SCYL3: variants seen among roughly 807,000 people sequenced by gnomAD.
SCYL3 encodes the protein protein-associating with the carboxyl-terminal domain of ezrin.
SCYL3 carries 35 observed loss-of-function variants against 73.8 expected under a neutral mutation model. The observed-to-expected ratio is 0.47, with a 90% CI of 0.36 to 0.63. The LOEUF (loss-of-function observed/expected upper bound fraction) is 0.63. SCYL3 is among the 20% of genes least tolerant of loss of function. The pLI is 0.00. For missense variants in SCYL3, 712 were observed against 798.9 expected (o/e 0.89, Z 1.31); for synonymous variants, 277 against 295.2 (o/e 0.94, Z 0.63).
rs2102126054 is a variant in SCYL3 at position 169,854,570 on chromosome 1, A to G, written c.1707T>C (p.Ile569=). The G allele has an allele frequency of 1.2e-6, 2 of 1,613,862 alleles. No homozygotes were observed. The highest frequency in any genetic ancestry group is 1.1e-5 in the South Asian group (1 of 91,040). The part of the protein sequence containing the change: ...MPWKSSLPQK[I]SLVQRGDDAD... ...CGTCATCCCCCCTTTGTACAAGGCT[A>G]ATCTTTTGGGGTAAGCTTGATTTCC... Residue 569 remains isoleucine, a synonymous_variant, in exon 12 of 13, where the codon ATT becomes ATC. Transcript: ENST00000367771.
At chr1:169,871,483 A>G (rs1165360744) in intron 5 of SCYL3, among the ~76,000 whole-genome samples, 1 of 152,220 alleles carries the variant, frequency 6.6e-6, no homozygotes, top group Non-Finnish European at 1.5e-5. Flanking sequence ...AGTCTTGGGT[A>G]TGTCTTCATC....
rs573415885 is a variant in SCYL3, at chr1:169,868,584, T to C, written c.737+344A>G. On this transcript the variant is annotated intron_variant, in intron 7 of 12. Coordinates refer to ENST00000367771, the MANE Select transcript of SCYL3 (RefSeq NM_020423.7). ...TATAATGGCAGCAGAAAAGAAAGGCTAGGTTTAGTAACTTTTTCAATTAAC... is the reference window on the plus strand; with the variant it reads ...TATAATGGCAGCAGAAAAGAAAGGCCAGGTTTAGTAACTTTTTCAATTAAC... 2.6e-5 allele frequency among the ~76,000 whole-genome samples: 4 copies of C among 152,334 alleles called. No individual in the cohort carries two copies. In the South Asian group the frequency reaches 8.3e-4, roughly 32 times the overall value.
At chr1:169,866,325 CTTAAAT>C (rs1424574243) in intron 8 of SCYL3, among the ~76,000 whole-genome samples, 1 of 152,234 alleles carries the variant, frequency 6.6e-6, no homozygotes, top group Non-Finnish European at 1.5e-5. Flanking sequence ...CAATCCAAAT[CTTAAAT>C]GAGTTAAGCC....
At position 169,871,563 on chromosome 1, in the gene SCYL3, G is replaced by A. The variant is rs561248183; in HGVS notation, c.523-1206C>T. ...GTGGGGCGTTGCTGAAAAGATACCT[G>A]AAAATATGGAAGGGACTTTGGAACT... On this transcript the variant is annotated intron_variant, in intron 5 of 12. Coordinates refer to ENST00000367771, the MANE Select transcript of SCYL3 (RefSeq NM_020423.7). 9.5e-4 allele frequency among the ~76,000 whole-genome samples: 145 copies of A among 152,308 alleles called. 2 individuals are homozygous for A. Among genetic ancestry groups the A allele is most frequent in the South Asian group, 6.6e-3 (32 of 4,820 alleles).
intron 11 of SCYL3, among the ~76,000 whole-genome samples, chr1:169,856,539 G>A (rs1659178155): frequency 6.6e-6 from 1 of 152,104 alleles, no homozygotes; most frequent in Non-Finnish European, 1.5e-5. Context: ...ATAGCCTGGG[G>A]TAAACTCTTA....
At chr1:169,854,164 G>GACTTT (rs1438880812) in intron 12 of SCYL3, 106 bp downstream of exon 12, 2 of 896,836 alleles carry the variant, frequency 2.2e-6, no homozygotes, top group Non-Finnish European at 3.3e-6. Flanking sequence ...TGCTTGACTT[G>GACTTT]ACTAGGAAAA....
At chr1:169,877,165 A>G (rs1175463411) in intron 3 of SCYL3, among the ~76,000 whole-genome samples, 1 of 152,058 alleles carries the variant, frequency 6.6e-6, no homozygotes, top group Non-Finnish European at 1.5e-5. Flanking sequence ...GTATGTATGT[A>G]ATGTATGTAT....
At chr1:169,892,110 T>C (rs1449180125) in intron 1 of SCYL3, among the ~76,000 whole-genome samples, 1 of 152,210 alleles carries the variant, frequency 6.6e-6, no homozygotes, top group Admixed American at 6.5e-5. Flanking sequence ...TAAGATTATA[T>C]TGTATGTTCC....
intron 1 of SCYL3, among the ~76,000 whole-genome samples, chr1:169,891,688 A>G (rs1004046529): frequency 6.6e-6 from 1 of 152,232 alleles, no homozygotes; most frequent in African/African-American, 2.4e-5. Flanking sequence ...CTGTTTATTT[A>G]AGTGTTAATA....
intron 2 of SCYL3, among the ~76,000 whole-genome samples, chr1:169,880,946 G>A (rs920662078): frequency 6.6e-6 from 1 of 152,088 alleles, no homozygotes; most frequent in African/African-American, 2.4e-5. Context: ...ATTTTTAGTA[G>A]AGACAGGGTT....
chr1:169,879,254 A>G (rs1661075568), intron 2 of SCYL3, among the ~76,000 whole-genome samples: 1 of 152,214 alleles, frequency 6.6e-6, no homozygotes, highest in African/African-American at 2.4e-5. Flanking sequence ...ATGCATGGTG[A>G]CAGGCCCCAG....
At chr1:169,877,151 T>C (rs1411134085) in intron 3 of SCYL3, among the ~76,000 whole-genome samples, 1 of 152,058 alleles carries the variant, frequency 6.6e-6, no homozygotes, top group Non-Finnish European at 1.5e-5. Flanking sequence ...TTTAAAGTTA[T>C]TATGTATGTA....
At chr1:169,861,285 C>T (rs1659628125) in intron 10 of SCYL3, among the ~76,000 whole-genome samples, 1 of 152,150 alleles carries the variant, frequency 6.6e-6, no homozygotes, top group African/African-American at 2.4e-5. Context: ...ACTGTCAGTT[C>T]ACAACCTACA....
chr1:169,875,906 G>C, intron 4 of SCYL3, 72 bp downstream of exon 4: 1 of 871,708 alleles, frequency 1.1e-6, no homozygotes, highest in Non-Finnish European at 1.7e-6. Context: ...GAAGGAAAGT[G>C]CCTAGGCAAG....
At position 169,876,071 on chromosome 1, in the gene SCYL3, A is replaced by T; in HGVS notation, c.372T>A (p.Asn124Lys). 1 of 1,604,108 alleles carries T rather than the reference A, an allele frequency of 6.2e-7. No homozygotes were observed. ...TCACAAACACAGATGATAAACAGAC[A>T]TTATTGTGTGTTAGGTGTCCCTGGA... is the stretch of plus-strand genomic sequence containing the variant. ...LHDRGHLTHN[N>K]VCLSSVFVSE... The change falls in exon 4 of 13, where the codon AAT (asparagine) becomes AAA (lysine). Residue 124 changes from asparagine to lysine, a missense_variant. By Grantham distance (94) the Asn-to-Lys change is moderately conservative. Transcript: ENST00000367771.
In SCYL3 at chr1:169,878,732, C is replaced by T; in HGVS notation, c.253G>A (p.Val85Ile). Residue 85 changes from valine (V) to isoleucine (I), a missense_variant, in exon 3 of 13, where the codon GTA becomes ATA. Physicochemically the swap from Val to Ile is conservative, Grantham distance 29. Transcript: ENST00000367771. ...ADGIHLVTER[V>I]QPLEVALETL... ...TCCAAAGCCACTTCCAGGGGCTGTACTCGCTCAGTGACAAGATGAATGCCA... is the reference window on the plus strand; with the variant it reads ...TCCAAAGCCACTTCCAGGGGCTGTATTCGCTCAGTGACAAGATGAATGCCA... 1 of 1,614,158 alleles carries T rather than the reference C, an allele frequency of 6.2e-7. No homozygotes were observed.
chr1:169,858,766 T>C (rs1159115752), intron 11 of SCYL3, among the ~76,000 whole-genome samples: 1 of 152,078 alleles, frequency 6.6e-6, no homozygotes, highest in Non-Finnish European at 1.5e-5. Flanking sequence ...GTCAGTCATT[T>C]ACGAGGTCCT....
chr1:169,893,695 G>C (rs1331907623), intron 1 of SCYL3, 93 bp downstream of exon 1: 1 of 151,326 alleles, frequency 6.6e-6, no homozygotes, highest in Non-Finnish European at 1.5e-5. Flanking sequence ...CCCGCGAGCG[G>C]GGCGCGCGCC....
chr1:169,877,114 A>T (rs913793569), intron 3 of SCYL3, among the ~76,000 whole-genome samples: 1 of 152,082 alleles, frequency 6.6e-6, no homozygotes, highest in African/African-American at 2.4e-5. Context: ...CCCAAACCAA[A>T]AATCATTTCA....
Sources: allele counts gnomAD v4.1 joint callset (sites outside exome capture counted in the v4.1 genomes callset), GRCh38; gene constraint gnomAD v4.1.1; transcripts MANE v1.5; gene names NCBI Gene and HGNC (gene_info 2026-07-23, HGNC 2026-07-21).